The following PTPRG variants were observed in gnomAD, a reference collection of about 807,000 sequenced individuals.
The protein encoded by PTPRG is protein tyrosine phosphatase receptor type G.
Under a neutral mutation model 165.3 loss-of-function variants are expected in PTPRG, and 102 were observed. The ratio of observed to expected loss-of-function variants is 0.62; its 90% CI spans 0.53 to 0.73. The LOEUF is 0.73. Ranked by LOEUF, PTPRG falls within the 30% of genes least tolerant of loss-of-function variation. PTPRG has a pLI of 0.00. For synonymous variants in PTPRG, 675 were observed against 669.5 expected (o/e 1.01, Z -0.13); for missense variants, 1,866 against 1,861.4 (o/e 1.00, Z -0.05).
At chr3:61,818,568 G>C (rs1334998400) in intron 2 of PTPRG, among the ~76,000 whole-genome samples, 2 of 152,144 alleles carry the variant, frequency 1.3e-5, no homozygotes, top group African/African-American at 4.8e-5. Flanking sequence ...AGAGGCTGAA[G>C]TGGGAGCATC....
At chr3:61,613,511 C>G (rs1701230514) in intron 1 of PTPRG, among the ~76,000 whole-genome samples, 1 of 152,154 alleles carries the variant, frequency 6.6e-6, no homozygotes, top group African/African-American at 2.4e-5. Flanking sequence ...AATGAACATT[C>G]TCTCAAGGTT....
intron 19 of PTPRG, 147 bp from the exon 20 acceptor site, chr3:62,268,888 C>T: frequency 2.4e-6 from 2 of 844,976 alleles, no homozygotes; most frequent in Non-Finnish European, 3.4e-6. Context: ...TCACACCTGC[C>T]TTTAAGCAGT....
chr3:62,267,643 G>A, intron 18 of PTPRG, 42 bp from the exon 19 acceptor site: 1 of 1,597,222 alleles, frequency 6.3e-7, no homozygotes, highest in Non-Finnish European at 8.5e-7. Context: ...GGTCTTCTGT[G>A]ATAACTGCTT....
rs1038441132 is a variant in PTPRG, at chr3:62,285,087, A to C, written c.4055+2218A>C. Among the ~76,000 whole-genome samples, 4 of 151,998 alleles carry C rather than the reference A, an allele frequency of 2.6e-5. No homozygotes were observed. The East Asian group carries it at 7.7e-4, about 29-fold the overall frequency. ...CTGCTTATCATGTCACACCATAATT[A>C]TTTGTATACATGACTGTCACTCTCA... On this transcript the variant is annotated intron_variant, in intron 28 of 29. Coordinates refer to ENST00000474889, the MANE Select transcript of PTPRG (RefSeq NM_002841.4).
In PTPRG at chr3:61,616,428, T is replaced by C. The variant is rs530117023; in HGVS notation, c.85+54056T>C. On this transcript the variant is annotated intron_variant, in intron 1 of 29. Transcript: ENST00000474889. ...AACAACACATGCTTTATTTTAGTTT[T>C]CTCTTTCATGGATTTGTGGGACTCC... is the stretch of plus-strand genomic sequence containing the variant. Among the ~76,000 whole-genome samples the C allele has an allele frequency of 3.3e-4, 50 of 152,336 alleles. 1 individual carries two copies. The highest frequency in any genetic ancestry group is 2.1e-3 in the Admixed American group (32 of 15,306).
At chr3:61,631,037 CAG>C (rs1701761069) in intron 1 of PTPRG, among the ~76,000 whole-genome samples, 1 of 150,802 alleles carries the variant, frequency 6.6e-6, no homozygotes, top group Non-Finnish European at 1.5e-5. Flanking sequence ...GCCTGGGTGA[CAG>C]AGCGAGACGC....
intron 12 of PTPRG, 145 bp downstream of exon 12, chr3:62,204,095 CATGTGAAATGTGT>C: frequency 7.3e-7 from 1 of 1,361,372 alleles, no homozygotes; most frequent in South Asian, 2.0e-5. Context: ...AAGGTGCACA[CATGTGAAATGTGT>C]ATGTGTGTGT....
At chr3:62,087,136 G>A (rs1412514936) in intron 5 of PTPRG, among the ~76,000 whole-genome samples, 1 of 152,194 alleles carries the variant, frequency 6.6e-6, no homozygotes, top group Non-Finnish European at 1.5e-5. Flanking sequence ...TAAACTCAGA[G>A]AAGATCTTAG....
chr3:61,634,009 G>C (rs1701835558), intron 1 of PTPRG, among the ~76,000 whole-genome samples: 1 of 151,904 alleles, frequency 6.6e-6, no homozygotes, highest in East Asian at 1.9e-4. Flanking sequence ...CCACCTCCTG[G>C]GTTGAAGCGA....
intron 4 of PTPRG, among the ~76,000 whole-genome samples, chr3:62,041,647 T>C (rs922439621): frequency 3.3e-5 from 5 of 152,122 alleles, no homozygotes; most frequent in Admixed American, 6.5e-5. Context: ...TTGTGGGAGA[T>C]TATACAGGAT....
intron 2 of PTPRG, among the ~76,000 whole-genome samples, chr3:61,845,068 T>C (rs1484752014): frequency 1.3e-5 from 2 of 152,236 alleles, no homozygotes; most frequent in African/African-American, 4.8e-5. Context: ...GGAAAATTGA[T>C]TCATTCATTT....
chr3:61,871,416 G>C (rs1485678817), intron 2 of PTPRG, among the ~76,000 whole-genome samples: 1 of 151,934 alleles, frequency 6.6e-6, no homozygotes, highest in East Asian at 1.9e-4. Context: ...TTTTTTTGGA[G>C]AGATGGGGTC....
At chr3:61,919,301 G>A (rs974387438) in intron 2 of PTPRG, among the ~76,000 whole-genome samples, 1 of 152,168 alleles carries the variant, frequency 6.6e-6, no homozygotes, top group Admixed American at 6.5e-5. Context: ...GGAGTGTTTT[G>A]GGTCTCTGCA....
intron 2 of PTPRG, among the ~76,000 whole-genome samples, chr3:61,926,901 A>G (rs1229264268): frequency 2.6e-5 from 4 of 151,950 alleles, no homozygotes; most frequent in Non-Finnish European, 4.4e-5. Flanking sequence ...ACAAAAACGA[A>G]AAAAACAGTT....
At chr3:62,181,744 C>T (rs149038810) in intron 8 of PTPRG, among the ~76,000 whole-genome samples, 167 of 152,200 alleles carry the variant, frequency 1.1e-3, no homozygotes, top group African/African-American at 3.1e-3. Context: ...CAGATATTTT[C>T]GAAATATCTT....
intron 8 of PTPRG, among the ~76,000 whole-genome samples, chr3:62,188,818 AAAAG>A (rs1699728689): frequency 6.6e-6 from 1 of 152,126 alleles, no homozygotes; most frequent in African/African-American, 2.4e-5. Context: ...GGGAGGTGAG[AAAAG>A]ATAGAGAAGT....
Position 62,293,215 on chromosome 3 carries a change from A to G in PTPRG, c.4246A>G (p.Asn1416Asp). The G allele has an allele frequency of 1.2e-6, 2 of 1,611,444 alleles. No homozygotes were observed. Among genetic ancestry groups the G allele is most frequent in the Non-Finnish European group, 1.7e-6 (2 of 1,178,946 alleles). The change falls in exon 30 of 30, where the codon AAT (asparagine) becomes GAT (aspartate). Residue 1416 changes from asparagine to aspartate, a missense_variant. Physicochemically the swap from Asn to Asp is conservative, Grantham distance 23. This residue lies in a region of PTPRG where 1,452 missense variants were observed against 1,463.0 expected (regional missense o/e 0.99). Transcript: ENST00000474889. ...AMLSLVSTKENGNGPMTVDKN... is the reference protein window; with the variant it reads ...AMLSLVSTKEDGNGPMTVDKN... ...GCTTAGCTTGGTCAGCACTAAAGAAAATGGAAATGGTCCCATGACAGTAGA... is the reference window on the plus strand; with the variant it reads ...GCTTAGCTTGGTCAGCACTAAAGAAGATGGAAATGGTCCCATGACAGTAGA...
chr3:62,109,461 T>C (rs1204486818), intron 5 of PTPRG, among the ~76,000 whole-genome samples: 1 of 152,210 alleles, frequency 6.6e-6, no homozygotes, highest in Non-Finnish European at 1.5e-5. Flanking sequence ...TGCAGTGTAG[T>C]TTGAAGTCAG....
intron 28 of PTPRG, among the ~76,000 whole-genome samples, chr3:62,288,993 C>T (rs750181487): frequency 6.6e-6 from 1 of 152,110 alleles, no homozygotes; most frequent in Non-Finnish European, 1.5e-5. Context: ...TAACTCTATA[C>T]TAATAAATGT....
Sources: gnomAD v4.1 joint callset for allele counts (sites outside exome capture counted in the v4.1 genomes callset) on GRCh38, gnomAD v4.1.1 for gene constraint, gnomAD v4.1.1 regional missense constraint, MANE v1.5 for transcripts, NCBI Gene and HGNC (gene_info 2026-07-23, HGNC 2026-07-21) for gene names.